The following MMP11 variants were observed in gnomAD, a reference collection of about 807,000 sequenced individuals.
MMP11 encodes stromelysin-3.
Under a neutral mutation model 49.5 loss-of-function variants are expected in MMP11, and 26 were observed. The observed-to-expected ratio is 0.52, with a 90% CI of 0.38 to 0.73. The LOEUF (loss-of-function observed/expected upper bound fraction) is 0.73. Among genes scored for constraint, MMP11 ranks in the 30% least tolerant of loss-of-function variants. The pLI is 0.00. For synonymous variants in MMP11, 265 were observed against 282.3 expected, an observed-to-expected ratio of 0.94 and a Z score of 0.62; for missense variants, 624 against 671.2, an observed-to-expected ratio of 0.93 and a Z score of 0.78.
Position 23,783,924 on chromosome 22 carries a change from G to A in MMP11, c.*380G>A, listed in dbSNP as rs28382578. Reference sequence around the variant, plus strand: ...ATCCCTGTTGTGAGGTTCCTTCCAGGGGCTGGCACTGAAGCAAGGGTGCTG... The same window carrying A: ...ATCCCTGTTGTGAGGTTCCTTCCAGAGGCTGGCACTGAAGCAAGGGTGCTG... On this transcript the variant is annotated 3_prime_UTR_variant, in exon 8 of 8. Coordinates refer to ENST00000215743, the MANE Select transcript of MMP11 (RefSeq NM_005940.5). 844 of 227,160 alleles carry A rather than the reference G, an allele frequency of 3.7e-3. 3 individuals carry two copies. The highest frequency in any genetic ancestry group is 6.4e-3 in the Non-Finnish European group (710 of 110,220). The allele number at this position is 227,160 out of a possible 1,614,324, so 14.1% of individuals were successfully genotyped here. A position where few individuals can be genotyped will look rare whatever the true frequency, so the allele number is the denominator to read the frequency against.
chr22:23,783,304 G>A, intron 7 of MMP11, 107 bp from the exon 8 acceptor site: 4 of 1,401,970 alleles, frequency 2.9e-6, no homozygotes, highest in Non-Finnish European at 3.9e-6. Context: ...AGTGGCCAAG[G>A]GCTTCCCACT....
chr22:23,782,369 G>A lies in MMP11; in HGVS notation c.1219G>A (p.Asp407Asn), dbSNP rs755509955. ...CAAGATCTACTTCTTCCGAGGCAGG[G>A]ACTACTGGCGTTTCCACCCCAGCAC... ...KNKIYFFRGR[D>N]YWRFHPSTRR... Residue 407 changes from aspartate to asparagine, a missense_variant, in exon 7 of 8, where the codon GAC (aspartate) becomes AAC (asparagine). Physicochemically the swap from Asp to Asn is conservative, Grantham distance 23 (BLOSUM62 1). Transcript: ENST00000215743. 1.9e-6 allele frequency: 3 copies of A among 1,614,052 alleles called. No individual in the cohort carries two copies. The highest frequency in any genetic ancestry group is 2.5e-6 in the Non-Finnish European group (3 of 1,180,030).
At position 23,780,087 on chromosome 22, in the gene MMP11, A is replaced by C; in HGVS notation, c.339-272A>C. 1 of 512,466 alleles carries C rather than the reference A, an allele frequency of 2.0e-6. No individual in the cohort carries two copies. Among genetic ancestry groups the C allele is most frequent in the East Asian group, 3.2e-5 (1 of 30,878 alleles). The allele number at this position is 512,466 out of a possible 1,614,324, so 31.7% of individuals were successfully genotyped here. ...CCAAGGTGTCCCCACAGTAAGTGGC[A>C]CTGTCAGGTCTAGGATGGGGGTCTC... is the stretch of plus-strand genomic sequence containing the variant. On this transcript the variant is annotated intron_variant, in intron 2 of 7. Transcript: ENST00000215743. This position sits in a 1 kb window ranked among gnomAD's most constrained non-coding sequence, Gnocchi z 4.6.
intron 1 of MMP11, among the ~76,000 whole-genome samples, chr22:23,773,268 G>A (rs1197944635): frequency 6.6e-6 from 1 of 152,196 alleles, no homozygotes; most frequent in African/African-American, 2.4e-5. Context: ...AGCCGCGGGT[G>A]CTGGAGTGTG....
At chr22:23,778,762 T>G (rs1356895563) in intron 1 of MMP11, among the ~76,000 whole-genome samples, 1 of 152,174 alleles carries the variant, frequency 6.6e-6, no homozygotes, top group Non-Finnish European at 1.5e-5. Flanking sequence ...GTGTCTGAAC[T>G]TAGCGGACAC....
intron 5 of MMP11, 35 bp from the exon 6 acceptor site, chr22:23,781,158 A>G (rs777790694): frequency 1.2e-6 from 2 of 1,608,966 alleles, no homozygotes. Context: ...ACTGCAGCAT[A>G]TGCCCTCAGC....
rs199846081 is a variant in MMP11, at chr22:23,781,292, C to T, written c.958C>T (p.Arg320Cys). The change falls in exon 6 of 8, where the codon CGT becomes TGT. Residue 320 changes from arginine (R) to cysteine (C), a missense_variant. Coordinates refer to ENST00000215743, the MANE Select transcript of MMP11 (RefSeq NM_005940.5). ...CAAAGCGGGCTTTGTGTGGCGCCTC[C>T]GTGGGGGCCAGCTGCAGCCCGGCTA... ...FFKAGFVWRL[R>C]GGQLQPGYPA... 236 of 1,612,568 alleles carry T rather than the reference C, an allele frequency of 1.5e-4. No homozygotes were observed. Among genetic ancestry groups the T allele is most frequent in the African/African-American group, 1.9e-4 (14 of 75,064 alleles).
Position 23,779,328 on chromosome 22 carries a change from G to A in MMP11, c.250G>A (p.Asp84Asn), listed in dbSNP as rs376901794. ...CAGGCCTCCCCGCTGTGGCGTGCCC[G>A]ACCCATCTGATGGGCTGAGTGCCCG... ...SLRPPRCGVPDPSDGLSARNR... is the reference protein window; with the variant it reads ...SLRPPRCGVPNPSDGLSARNR... The change falls in exon 2 of 8, where the codon GAC (aspartate) becomes AAC (asparagine). Residue 84 changes from aspartate to asparagine, a missense_variant. Coordinates refer to ENST00000215743, the MANE Select transcript of MMP11 (RefSeq NM_005940.5). 18 of 1,612,750 alleles carry A rather than the reference G, an allele frequency of 1.1e-5. No homozygotes were observed. Among genetic ancestry groups the A allele is most frequent in the Admixed American group, 3.3e-5 (2 of 59,960 alleles).
At chr22:23,776,877 G>A (rs1162699593) in intron 1 of MMP11, among the ~76,000 whole-genome samples, 1 of 149,656 alleles carries the variant, frequency 6.7e-6, no homozygotes, top group Non-Finnish European at 1.5e-5. Context: ...GCACGATCTC[G>A]GCTCACTGCA....
In MMP11 at chr22:23,783,959, G is replaced by A. The variant is rs1021679773; in HGVS notation, c.*415G>A. ...TGAAGCAAGGGTGCTGGGGCCCCAT[G>A]GCCTTCAGCCCTGGCTGAGCAACTG... On this transcript the variant is annotated 3_prime_UTR_variant, in exon 8 of 8. Coordinates refer to ENST00000215743, the MANE Select transcript of MMP11 (RefSeq NM_005940.5). The A allele has an allele frequency of 1.3e-4, 26 of 194,608 alleles. No individual in the cohort carries two copies. Among genetic ancestry groups the A allele is most frequent in the African/African-American group, 5.9e-4 (26 of 44,168 alleles). 12.1% of individuals were successfully genotyped at this position (194,608 alleles called of 1,614,324 possible).
At chr22:23,774,748 CTATGA>C (rs1432348518) in intron 1 of MMP11, among the ~76,000 whole-genome samples, 1 of 152,130 alleles carries the variant, frequency 6.6e-6, no homozygotes, top group African/African-American at 2.4e-5. Context: ...GAAGGCATAG[CTATGA>C]TTAATTATAC....
At chr22:23,783,086 T>C (rs1346031628) in intron 7 of MMP11, among the ~76,000 whole-genome samples, 2 of 152,064 alleles carry the variant, frequency 1.3e-5, no homozygotes, top group Non-Finnish European at 2.9e-5. Flanking sequence ...GCTAATTTAA[T>C]AGATGCAGGA....
At chr22:23,783,363 T>C (rs1340045916) in intron 7 of MMP11, 48 bp from the exon 8 acceptor site, 1 of 1,605,530 alleles carries the variant, frequency 6.2e-7, no homozygotes, top group South Asian at 1.1e-5. Flanking sequence ...CAGGCAGGAG[T>C]AGGGCCCAGT....
At chr22:23,779,151 G>A (rs28674791) in intron 1 of MMP11, 36 bp from the exon 2 acceptor site, 1 of 1,505,678 alleles carries the variant, frequency 6.6e-7, no homozygotes, top group Non-Finnish European at 9.0e-7. Context: ...GTGGACCTTA[G>A]GCCTGACCAG....
At position 23,780,295 on chromosome 22, in the gene MMP11, C is replaced by G; in HGVS notation, c.339-64C>G. On this transcript the variant is annotated intron_variant, in intron 2 of 7. Coordinates refer to ENST00000215743, the MANE Select transcript of MMP11 (RefSeq NM_005940.5). The surrounding 1 kb of genome is among the most constrained non-coding windows in gnomAD (Gnocchi z 4.6). ...CCCACCAAGCATCCAGGGGCAACTC[C>G]TGGTGCCTCAGCCATCGGGGGCTGT... 2 of 1,605,648 alleles carry G rather than the reference C, an allele frequency of 1.2e-6. No homozygotes were observed. Among genetic ancestry groups the G allele is most frequent in the Non-Finnish European group, 1.7e-6 (2 of 1,176,048 alleles).
intron 1 of MMP11, among the ~76,000 whole-genome samples, chr22:23,774,340 CT>C (rs1324426834): frequency 6.6e-6 from 1 of 152,180 alleles, no homozygotes; most frequent in African/African-American, 2.4e-5. Context: ...TGGGGGCCAG[CT>C]TGGGGTGGGG....
intron 1 of MMP11, 68 bp downstream of exon 1, chr22:23,773,046 G>A (rs2145934811): frequency 8.8e-7 from 1 of 1,131,040 alleles, no homozygotes; most frequent in Non-Finnish European, 1.1e-6. Context: ...TGGGCCCAGC[G>A]GCGGATCCGG....
chr22:23,772,886 T>C lies in MMP11; in HGVS notation c.16T>C (p.Trp6Arg). 4 of 1,158,774 alleles carry C rather than the reference T, an allele frequency of 3.5e-6. No homozygotes were observed. Among genetic ancestry groups the C allele is most frequent in the Non-Finnish European group, 4.2e-6 (4 of 941,630 alleles). The allele number at this position is 1,158,774 out of a possible 1,614,324, so 71.8% of individuals were successfully genotyped here. A position where few individuals can be genotyped will look rare whatever the true frequency, so the allele number is the denominator to read the frequency against. Residue 6 changes from tryptophan to arginine, a missense_variant, in exon 1 of 8, where the codon TGG becomes CGG. Trp to Arg is a moderately radical substitution (Grantham distance 101, BLOSUM62 -3). Transcript: ENST00000215743. MAPAA[W>R]LRSAAARALL... Reference sequence around the variant, plus strand: ...CCCGGGGCGGATGGCTCCGGCCGCCTGGCTCCGCAGCGCGGCCGCGCGCGC... The same window carrying C: ...CCCGGGGCGGATGGCTCCGGCCGCCCGGCTCCGCAGCGCGGCCGCGCGCGC...
Position 23,772,869 on chromosome 22 carries a change from G to A in MMP11, c.-2G>A. ...CCAGCAAGCCCAGCAGCCCCGGGGC[G>A]GATGGCTCCGGCCGCCTGGCTCCGC... On this transcript the variant is annotated 5_prime_UTR_variant, in exon 1 of 8. Coordinates refer to ENST00000215743, the MANE Select transcript of MMP11 (RefSeq NM_005940.5). 8.7e-7 allele frequency: 1 copy of A among 1,155,466 alleles called. No homozygotes were observed. The highest frequency in any genetic ancestry group is 1.1e-6 in the Non-Finnish European group (1 of 939,098). 71.6% of individuals were successfully genotyped at this position (1,155,466 alleles called of 1,614,324 possible).
Sources: gnomAD v4.1 joint callset for allele counts (sites outside exome capture counted in the v4.1 genomes callset) on GRCh38, gnomAD v4.1.1 for gene constraint, Gnocchi (gnomAD v3.1) non-coding constraint, MANE v1.5 for transcripts, NCBI Gene and HGNC (gene_info 2026-07-23, HGNC 2026-07-21) for gene names.